Variants in PID1 observed in about 807,000 individuals in gnomAD.
PID1 encodes PTB-containing, cubilin and LRP1-interacting protein.
PID1 carries 10 observed loss-of-function variants against 19.1 expected under a neutral mutation model. That is an observed-to-expected ratio of 0.52 (90% CI 0.32 to 0.89). The LOEUF (loss-of-function observed/expected upper bound fraction) is 0.89, where lower values mean the gene tolerates loss of function less well. PID1 is among the 40% of genes least tolerant of loss of function. PID1 has a pLI of 0.03. For missense variants in PID1, 248 were observed against 285.3 expected, an observed-to-expected ratio of 0.87 and a Z score of 0.94; for synonymous variants, 130 against 116.0, an observed-to-expected ratio of 1.12 and a Z score of -0.78.
rs112926194 is a variant in PID1 at position 229,128,753 on chromosome 2, T to C, written c.177+27065A>G. ...TAATCCTTATTTATTCCCTGTAAAA[T>C]TGGTATTCTTATCATAAAGAGATGA... On this transcript the variant is annotated intron_variant, in intron 2 of 2. Coordinates refer to ENST00000392055, the MANE Select transcript of PID1 (RefSeq NM_001100818.2). 5.5e-3 allele frequency among the ~76,000 whole-genome samples: 841 copies of C among 152,256 alleles called. 8 individuals carry two copies. The highest frequency in any genetic ancestry group is 0.019 in the African/African-American group (801 of 41,542).
intron 1 of PID1, among the ~76,000 whole-genome samples, chr2:229,182,303 T>C (rs1690963084): frequency 6.6e-6 from 1 of 152,178 alleles, no homozygotes; most frequent in African/African-American, 2.4e-5. Context: ...GGAGGCTGTG[T>C]GTTTTGAAGG....
At chr2:229,170,387 A>G (rs1434397775) in intron 1 of PID1, among the ~76,000 whole-genome samples, 1 of 152,208 alleles carries the variant, frequency 6.6e-6, no homozygotes, top group Non-Finnish European at 1.5e-5. Flanking sequence ...ATTCTCTAAC[A>G]TCTTGCAACA....
At chr2:229,128,298 A>T (rs1175650495) in intron 2 of PID1, among the ~76,000 whole-genome samples, 1 of 152,220 alleles carries the variant, frequency 6.6e-6, no homozygotes, top group Non-Finnish European at 1.5e-5. Context: ...TCCTCTAAAA[A>T]CCTAAATAGA....
At chr2:229,163,534 T>A (rs918648773) in intron 1 of PID1, among the ~76,000 whole-genome samples, 4 of 151,300 alleles carry the variant, frequency 2.6e-5, no homozygotes, top group Non-Finnish European at 5.9e-5. Flanking sequence ...GTCTCTCAAG[T>A]GATTATGTGG....
intron 1 of PID1, among the ~76,000 whole-genome samples, chr2:229,158,839 AT>A (rs1322198524): frequency 6.6e-6 from 1 of 152,136 alleles, no homozygotes; most frequent in Non-Finnish European, 1.5e-5. Context: ...AAAGACAAAC[AT>A]TGCATGTTCT....
At chr2:229,036,219 A>G (rs1185475629) in intron 2 of PID1, among the ~76,000 whole-genome samples, 1 of 152,170 alleles carries the variant, frequency 6.6e-6, no homozygotes, top group Non-Finnish European at 1.5e-5. Flanking sequence ...AACCCTCAGA[A>G]GGCCAACCCA....
chr2:229,212,825 T>C (rs1462817196), intron 1 of PID1, among the ~76,000 whole-genome samples: 2 of 151,824 alleles, frequency 1.3e-5, no homozygotes, highest in Non-Finnish European at 2.9e-5. Context: ...AGAGACAAAA[T>C]CAGAAGGCAG....
At chr2:229,055,307 C>A (rs1484424046) in intron 2 of PID1, among the ~76,000 whole-genome samples, 8 of 152,204 alleles carry the variant, frequency 5.3e-5, no homozygotes, top group Non-Finnish European at 1.2e-4. Flanking sequence ...TTATTTCAAA[C>A]ACCAGCCTTT....
At chr2:229,196,290 A>C (rs149533958) in intron 1 of PID1, among the ~76,000 whole-genome samples, 1 of 152,104 alleles carries the variant, frequency 6.6e-6, no homozygotes, top group South Asian at 2.1e-4. Context: ...CCTTGATAAA[A>C]GAAATATAGG....
At chr2:229,072,937 A>G (rs1694485955) in intron 2 of PID1, among the ~76,000 whole-genome samples, 1 of 152,268 alleles carries the variant, frequency 6.6e-6, no homozygotes, top group African/African-American at 2.4e-5. Context: ...TCCCAGTGTT[A>G]TAAGATGAAC....
At chr2:229,041,803 T>C (rs1693775903) in intron 2 of PID1, among the ~76,000 whole-genome samples, 1 of 151,988 alleles carries the variant, frequency 6.6e-6, no homozygotes, top group Non-Finnish European at 1.5e-5. Context: ...ACGGAAATGT[T>C]GAACAAATCC....
rs115270361 is a variant in PID1 at position 229,157,830 on chromosome 2, C to T, written c.31-1866G>A. On this transcript the variant is annotated intron_variant, in intron 1 of 2. Transcript: ENST00000392055. Reference sequence around the variant, plus strand: ...TGTATTACTTCCCTGTACAAGGCAACCACCTACGTACTGAAATGATAACAC... The same window carrying T: ...TGTATTACTTCCCTGTACAAGGCAATCACCTACGTACTGAAATGATAACAC... 4.0e-3 allele frequency among the ~76,000 whole-genome samples: 611 copies of T among 152,260 alleles called. 7 individuals are homozygous for T. The highest frequency in any genetic ancestry group is 0.014 in the African/African-American group (578 of 41,552).
At chr2:229,102,052 T>C (rs1695084059) in intron 2 of PID1, among the ~76,000 whole-genome samples, 1 of 152,092 alleles carries the variant, frequency 6.6e-6, no homozygotes, top group African/African-American at 2.4e-5. Flanking sequence ...TGGCCACTGC[T>C]GGCTTTGAAG....
intron 1 of PID1, among the ~76,000 whole-genome samples, chr2:229,209,938 A>G (rs1285052187): frequency 6.6e-6 from 1 of 152,218 alleles, no homozygotes. Flanking sequence ...TCTATCAAGG[A>G]AAGGTTATTA....
At chr2:229,093,216 C>T (rs150604465) in intron 2 of PID1, among the ~76,000 whole-genome samples, 8 of 151,276 alleles carry the variant, frequency 5.3e-5, no homozygotes, top group South Asian at 2.1e-4. Context: ...ACTCCACCTC[C>T]GGGTTCAAGT....
chr2:229,215,047 T>C (rs566902598), intron 1 of PID1, among the ~76,000 whole-genome samples: 1 of 152,304 alleles, frequency 6.6e-6, no homozygotes, highest in Non-Finnish European at 1.5e-5. Context: ...TAATCACATA[T>C]GGATATTTAG....
chr2:229,080,953 T>C (rs916971457), intron 2 of PID1, among the ~76,000 whole-genome samples: 5 of 152,220 alleles, frequency 3.3e-5, no homozygotes, highest in Admixed American at 1.3e-4. Context: ...AGTACCTTCC[T>C]GTCCAGCCTC....
intron 2 of PID1, among the ~76,000 whole-genome samples, chr2:229,138,986 A>C (rs116023110): frequency 0.021 from 1,280 of 59,670 alleles, 54 homozygotes; most frequent in African/African-American, 0.087. Context: ...AATAGAAGAA[A>C]GAAAGAAAGA....
At chr2:229,152,707 G>A (rs1295187154) in intron 2 of PID1, among the ~76,000 whole-genome samples, 2 of 151,310 alleles carry the variant, frequency 1.3e-5, no homozygotes, top group Admixed American at 1.3e-4. Context: ...CAAAGACCCA[G>A]CTGCCCGAAA....
Sources: allele counts gnomAD v4.1 joint callset (sites outside exome capture counted in the v4.1 genomes callset), GRCh38; gene constraint gnomAD v4.1.1; transcripts MANE v1.5; gene names NCBI Gene and HGNC (gene_info 2026-07-23, HGNC 2026-07-21).